NKAIN2: variants seen among roughly 807,000 people sequenced by gnomAD.
The protein encoded by NKAIN2 is sodium/potassium-transporting ATPase subunit beta-1-interacting protein 2.
Under a neutral mutation model 32.6 loss-of-function variants are expected in NKAIN2, and 14 were observed. The ratio of observed to expected loss-of-function variants is 0.43; its 90% confidence interval spans 0.28 to 0.67. The LOEUF (loss-of-function observed/expected upper bound fraction) is 0.67. NKAIN2 is among the 30% of genes least tolerant of loss of function. The probability of loss-of-function intolerance (pLI) is 0.17; values close to 1 mark genes in which losing one functional copy is unlikely to be tolerated. For missense variants in NKAIN2, 198 were observed against 258.3 expected (o/e 0.77, Z 1.60); for synonymous variants, 80 against 87.2 (o/e 0.92, Z 0.46).
rs148829299 is a variant in NKAIN2, at chr6:124,437,227, A to T, written c.273+81880A>T. Among the ~76,000 whole-genome samples the T allele has an allele frequency of 4.8e-3, 735 of 152,342 alleles. 4 individuals carry two copies. Among genetic ancestry groups the T allele is most frequent in the Middle Eastern group, 0.01 (3 of 294 alleles). On this transcript the variant is annotated intron_variant, in intron 3 of 6. Transcript: ENST00000368417. ...ATGTATTAAGATGACTTACCCTAGA[A>T]AATGAAATCCAAAAGGGCAGGGAAT...
chr6:124,075,690 G>A lies in NKAIN2; in HGVS notation c.55-207315G>A, dbSNP rs182185723. Among the ~76,000 whole-genome samples, 1,032 of 152,198 alleles carry A rather than the reference G, an allele frequency of 6.8e-3. 9 individuals carry two copies. Among genetic ancestry groups the A allele is most frequent in the Non-Finnish European group, 0.012 (789 of 68,002 alleles). Reference sequence around the variant, plus strand: ...AGCACACTGCAACCTCTGCCTCCCGGGTTCAAGCTCTTCTCCTGCCTCAGC... The same window carrying A: ...AGCACACTGCAACCTCTGCCTCCCGAGTTCAAGCTCTTCTCCTGCCTCAGC... On this transcript the variant is annotated intron_variant, in intron 1 of 6. Coordinates refer to ENST00000368417, the MANE Select transcript of NKAIN2 (RefSeq NM_001040214.3).
chr6:124,745,731 C>G (rs1777420355), intron 4 of NKAIN2, among the ~76,000 whole-genome samples: 1 of 151,846 alleles, frequency 6.6e-6, no homozygotes, highest in Admixed American at 6.6e-5. Flanking sequence ...AATTGTGTTT[C>G]TGTGTATTCT....
At chr6:124,796,491 A>G (rs947198589) in intron 5 of NKAIN2, among the ~76,000 whole-genome samples, 5 of 152,126 alleles carry the variant, frequency 3.3e-5, no homozygotes, top group South Asian at 2.1e-4. Context: ...ACACTTGAAA[A>G]TATCTGTGGG....
chr6:124,535,297 A>G (rs1779674551), intron 3 of NKAIN2, among the ~76,000 whole-genome samples: 1 of 152,222 alleles, frequency 6.6e-6, no homozygotes, highest in Non-Finnish European at 1.5e-5. Context: ...TGAGTTCACA[A>G]GAGGCTTTGA....
chr6:123,930,636 G>T (rs1403614143), intron 1 of NKAIN2, among the ~76,000 whole-genome samples: 3 of 152,116 alleles, frequency 2.0e-5, no homozygotes, highest in Admixed American at 2.0e-4. Context: ...CAATTTAATA[G>T]TATAACAAAT....
intron 4 of NKAIN2, among the ~76,000 whole-genome samples, chr6:124,659,703 A>C (rs1310866816): frequency 6.6e-6 from 1 of 152,036 alleles, no homozygotes; most frequent in Non-Finnish European, 1.5e-5. Flanking sequence ...GCCAGAAAGT[A>C]ATAATAGCTG....
chr6:124,624,488 A>G (rs1783228167), intron 3 of NKAIN2, among the ~76,000 whole-genome samples: 1 of 152,174 alleles, frequency 6.6e-6, no homozygotes, highest in African/African-American at 2.4e-5. Context: ...TAATGTTTAA[A>G]TACCAGTTTT....
chr6:124,650,067 C>CT (rs1562304974), intron 3 of NKAIN2, among the ~76,000 whole-genome samples: 1 of 152,126 alleles, frequency 6.6e-6, no homozygotes, highest in Admixed American at 6.6e-5. Context: ...GAACTAGAAG[C>CT]TTTTCTACTA....
At chr6:124,641,833 G>A (rs749757053) in intron 3 of NKAIN2, among the ~76,000 whole-genome samples, 8 of 151,996 alleles carry the variant, frequency 5.3e-5, no homozygotes, top group Middle Eastern at 3.2e-3. Flanking sequence ...GGATTTACAG[G>A]TGTGAGCCAC....
intron 4 of NKAIN2, among the ~76,000 whole-genome samples, chr6:124,666,760 A>C (rs1338302511): frequency 6.6e-6 from 1 of 151,960 alleles, no homozygotes; most frequent in Non-Finnish European, 1.5e-5. Flanking sequence ...TTTTGCTTTT[A>C]ATATTCTCAG....
chr6:123,808,239 G>T (rs1016511098), intron 1 of NKAIN2, among the ~76,000 whole-genome samples: 2 of 151,978 alleles, frequency 1.3e-5, no homozygotes, highest in Non-Finnish European at 2.9e-5. Context: ...AACTTTATCT[G>T]CCACAAAACT....
At chr6:124,171,044 A>C (rs1253570986) in intron 1 of NKAIN2, among the ~76,000 whole-genome samples, 1 of 151,994 alleles carries the variant, frequency 6.6e-6, no homozygotes, top group Non-Finnish European at 1.5e-5. Flanking sequence ...GTTTTTTTTT[A>C]GAAAATTTCA....
chr6:124,105,428 C>A (rs1785074735), intron 1 of NKAIN2, among the ~76,000 whole-genome samples: 2 of 152,056 alleles, frequency 1.3e-5, no homozygotes, highest in South Asian at 4.1e-4. Flanking sequence ...GGCAGCCCTG[C>A]AGGAACAAGG....
chr6:123,818,354 AACACAC>A (rs36066775), intron 1 of NKAIN2, among the ~76,000 whole-genome samples: 29,995 of 144,502 alleles, frequency 0.21, 3,363 homozygotes, highest in East Asian at 0.44. Context: ...TTCTTGTGGA[AACACAC>A]ACACACACAC....
At chr6:124,253,830 ACTT>A (rs1178135822) in intron 1 of NKAIN2, among the ~76,000 whole-genome samples, 14 of 139,776 alleles carry the variant, frequency 1.0e-4, no homozygotes, top group Admixed American at 1.0e-3. Context: ...GCAATGTTCT[ACTT>A]TTTTTTTTTT....
chr6:124,168,648 T>A (rs1000168579), intron 1 of NKAIN2, among the ~76,000 whole-genome samples: 1 of 152,118 alleles, frequency 6.6e-6, no homozygotes, highest in African/African-American at 2.4e-5. Flanking sequence ...ATTGCCTGTG[T>A]GTTGGCCAGT....
chr6:124,371,709 A>AAAAAG (rs1554196667), intron 3 of NKAIN2, among the ~76,000 whole-genome samples: 13 of 151,286 alleles, frequency 8.6e-5, no homozygotes, highest in African/African-American at 3.2e-4. Context: ...AAAAAAAAAA[A>AAAAAG]AAAGAAAGAA....
At chr6:124,169,982 G>C (rs1788765583) in intron 1 of NKAIN2, among the ~76,000 whole-genome samples, 1 of 152,124 alleles carries the variant, frequency 6.6e-6, no homozygotes, top group African/African-American at 2.4e-5. Flanking sequence ...TTTTTATTAA[G>C]AGTGTTTCCT....
chr6:124,559,407 A>T (rs1388557451), intron 3 of NKAIN2, among the ~76,000 whole-genome samples: 1 of 152,162 alleles, frequency 6.6e-6, no homozygotes, highest in Non-Finnish European at 1.5e-5. Context: ...TAAGTGACTC[A>T]TTTGTCATGG....
Sources: allele counts gnomAD v4.1 joint callset (sites outside exome capture counted in the v4.1 genomes callset), GRCh38; gene constraint gnomAD v4.1.1; transcripts MANE v1.5; gene names NCBI Gene and HGNC (gene_info 2026-07-23, HGNC 2026-07-21).